CADM2: variants seen among roughly 807,000 people sequenced by gnomAD.
CADM2 encodes immunoglobulin superfamily member 4D.
A neutral mutation model predicts 49.8 loss-of-function variants in CADM2; 12 were observed. That is an observed-to-expected ratio of 0.24 (90% CI 0.15 to 0.39). The LOEUF is 0.39. Among genes scored for constraint, CADM2 ranks in the 10% least tolerant of loss-of-function variants. The pLI, the probability that CADM2 is intolerant of heterozygous loss-of-function variation, is 1.00. For synonymous variants in CADM2, 214 were observed against 175.4 expected, an observed-to-expected ratio of 1.22 and a Z score of -1.74; for missense variants, 378 against 492.3, an observed-to-expected ratio of 0.77 and a Z score of 2.20.
chr3:85,015,592 C>T lies in CADM2; in HGVS notation c.61+55924C>T, dbSNP rs561342763. 1.5e-4 allele frequency among the ~76,000 whole-genome samples: 23 copies of T among 152,168 alleles called. No individual in the cohort carries two copies. The South Asian group carries it at 4.8e-3, about 32-fold the overall frequency. ...GAATACAAAAATGATTAATATAATGCCTGCCAACAAGAAACCTTGATTTTG... is the reference window on the plus strand; with the variant it reads ...GAATACAAAAATGATTAATATAATGTCTGCCAACAAGAAACCTTGATTTTG... On this transcript the variant is annotated intron_variant, in intron 1 of 9. Transcript: ENST00000383699.
At chr3:85,449,890 C>A (rs1211784858) in intron 1 of CADM2, among the ~76,000 whole-genome samples, 1 of 151,956 alleles carries the variant, frequency 6.6e-6, no homozygotes, top group African/African-American at 2.4e-5. Context: ...TTAACCTAGC[C>A]CAATGATCTT....
intron 1 of CADM2, among the ~76,000 whole-genome samples, chr3:84,966,618 A>T (rs182951223): frequency 2.0e-5 from 3 of 152,068 alleles, no homozygotes; most frequent in Non-Finnish European, 2.9e-5. Flanking sequence ...AAACTGAGTG[A>T]TAAGAACTTG....
At chr3:85,205,431 G>A (rs969242405) in intron 1 of CADM2, among the ~76,000 whole-genome samples, 1 of 152,018 alleles carries the variant, frequency 6.6e-6, no homozygotes, top group African/African-American at 2.4e-5. Flanking sequence ...TACTACAAAT[G>A]TTATAAGTTT....
intron 1 of CADM2, among the ~76,000 whole-genome samples, chr3:85,645,565 A>G (rs1413346430): frequency 6.6e-6 from 1 of 152,018 alleles, no homozygotes; most frequent in African/African-American, 2.4e-5. Context: ...CATGATTTTC[A>G]GATAATTTTA....
At chr3:85,823,232 T>C (rs2073701518) in intron 3 of CADM2, among the ~76,000 whole-genome samples, 1 of 152,184 alleles carries the variant, frequency 6.6e-6, no homozygotes, top group Admixed American at 6.6e-5. Context: ...AATATAACAA[T>C]TTTGTATTTA....
intron 1 of CADM2, among the ~76,000 whole-genome samples, chr3:85,130,803 A>G (rs2039202609): frequency 1.3e-5 from 2 of 152,228 alleles, no homozygotes; most frequent in Non-Finnish European, 2.9e-5. Flanking sequence ...CAGCCAATTC[A>G]TATAAACTCT....
intron 1 of CADM2, among the ~76,000 whole-genome samples, chr3:85,501,425 A>G (rs911723388): frequency 3.3e-5 from 5 of 152,196 alleles, no homozygotes; most frequent in Admixed American, 3.3e-4. Context: ...AACATTTTTC[A>G]CAGGAATTTA....
intron 1 of CADM2, among the ~76,000 whole-genome samples, chr3:85,721,805 C>T (rs1488556782): frequency 2.6e-5 from 4 of 152,224 alleles, no homozygotes; most frequent in Admixed American, 2.6e-4. Flanking sequence ...TGTCTTCTCC[C>T]ACAATGTGGC....
At chr3:85,976,256 G>T (rs1029517459) in intron 8 of CADM2, among the ~76,000 whole-genome samples, 7 of 151,460 alleles carry the variant, frequency 4.6e-5, no homozygotes, top group African/African-American at 1.5e-4. Flanking sequence ...AGTGTAAGAG[G>T]TTTAAAAATG....
chr3:85,436,357 G>A (rs139345605), intron 1 of CADM2, among the ~76,000 whole-genome samples: 179 of 152,188 alleles, frequency 1.2e-3, no homozygotes, highest in African/African-American at 4.0e-3. Context: ...ATACGATCAT[G>A]TCATCTGCAA....
chr3:85,780,442 T>G (rs2070578417), intron 2 of CADM2, among the ~76,000 whole-genome samples: 1 of 152,174 alleles, frequency 6.6e-6, no homozygotes, highest in Non-Finnish European at 1.5e-5. Flanking sequence ...ACAACACCAT[T>G]GATACTAACT....
At chr3:85,372,375 G>A (rs955874603) in intron 1 of CADM2, among the ~76,000 whole-genome samples, 7 of 149,346 alleles carry the variant, frequency 4.7e-5, no homozygotes, top group African/African-American at 7.5e-5. Context: ...ATATATATAT[G>A]TGTGTGTGTA....
intron 1 of CADM2, chr3:85,385,728 A>G (rs1217620483): frequency 6.7e-6 from 1 of 150,098 alleles, no homozygotes; most frequent in Non-Finnish European, 1.5e-5. Context: ...TTGCCTTTTT[A>G]CAGGAGTTTA....
At chr3:85,677,589 A>G (rs958387940) in intron 1 of CADM2, among the ~76,000 whole-genome samples, 2 of 152,178 alleles carry the variant, frequency 1.3e-5, no homozygotes, top group Non-Finnish European at 1.5e-5. Flanking sequence ...ACAATAAAAT[A>G]TATAGATAAA....
chr3:85,838,491 A>G (rs552460402), intron 3 of CADM2, among the ~76,000 whole-genome samples: 11 of 151,928 alleles, frequency 7.2e-5, no homozygotes, highest in South Asian at 2.1e-4. Context: ...AGCACATATT[A>G]TGCACTCAAA....
At chr3:84,971,096 T>C (rs1403008861) in intron 1 of CADM2, among the ~76,000 whole-genome samples, 1 of 152,116 alleles carries the variant, frequency 6.6e-6, no homozygotes, top group African/African-American at 2.4e-5. Context: ...TTCAAGACTT[T>C]TAGTCGTAAT....
intron 1 of CADM2, among the ~76,000 whole-genome samples, chr3:85,312,021 T>C (rs2044357576): frequency 6.6e-6 from 1 of 152,198 alleles, no homozygotes; most frequent in Admixed American, 6.5e-5. Flanking sequence ...AGAAATTTTA[T>C]GTGTTCTACG....
chr3:85,936,704 C>G (rs1394316764), intron 7 of CADM2, among the ~76,000 whole-genome samples: 1 of 151,584 alleles, frequency 6.6e-6, no homozygotes, highest in Non-Finnish European at 1.5e-5. Flanking sequence ...AAATTTGTCT[C>G]CAATAACATT....
At chr3:85,217,583 T>G (rs1384060683) in intron 1 of CADM2, among the ~76,000 whole-genome samples, 2 of 151,936 alleles carry the variant, frequency 1.3e-5, no homozygotes, top group African/African-American at 4.8e-5. Context: ...TGGAAACAAA[T>G]ATCTCTCTGC....
Sources: allele counts gnomAD v4.1 joint callset (sites outside exome capture counted in the v4.1 genomes callset), GRCh38; gene constraint gnomAD v4.1.1; transcripts MANE v1.5; gene names NCBI Gene and HGNC (gene_info 2026-07-23, HGNC 2026-07-21).